GCN1: variants seen among roughly 807,000 people sequenced by gnomAD.
GCN1 encodes the protein GCN1 activator of EIF2AK4, also known as stalled ribosome sensor GCN1.
A neutral mutation model predicts 288.4 loss-of-function variants in GCN1; 90 were observed. That is an observed-to-expected ratio of 0.31 (90% CI 0.26 to 0.37). The LOEUF (loss-of-function observed/expected upper bound fraction) is 0.37. Among genes scored for constraint, GCN1 ranks in the 10% least tolerant of loss-of-function variants. The pLI is 1.00. For synonymous variants in GCN1, 1,386 were observed against 1,420.2 expected, an observed-to-expected ratio of 0.98 and a Z score of 0.54; for missense variants, 2,586 against 3,419.9, an observed-to-expected ratio of 0.76 and a Z score of 6.08.
chr12:120,144,614 C>G lies in GCN1; in HGVS notation c.5352+25G>C. The stretch of plus-strand genomic sequence containing the variant: ...CCTCCTGCCCTCCTCAAGGACTCTA[C>G]CCTTGCCAAGGTCATGGTACCTACT... On this transcript the variant is annotated intron_variant, in intron 41 of 57. Coordinates refer to ENST00000300648, the MANE Select transcript of GCN1 (RefSeq NM_006836.2). The surrounding 1 kb of genome is among the most constrained non-coding windows in gnomAD (Gnocchi z 4.7). 6.2e-7 allele frequency: 1 copy of G among 1,602,798 alleles called. No homozygotes were observed. Among genetic ancestry groups the G allele is most frequent in the South Asian group, 1.1e-5 (1 of 90,708 alleles).
intron 53 of GCN1, 27 bp from the exon 54 acceptor site, chr12:120,132,049 G>A: frequency 6.9e-7 from 1 of 1,453,418 alleles, no homozygotes; most frequent in South Asian, 1.2e-5. Flanking sequence ...GGGAGTGAGG[G>A]GGTGCAGGGA....
chr12:120,143,048 G>A (rs922507437), intron 42 of GCN1, 107 bp from the exon 43 acceptor site: 1 of 653,168 alleles, frequency 1.5e-6, no homozygotes, highest in Non-Finnish European at 2.8e-6. Context: ...TACTCATGAC[G>A]GTCATCTTGG....
chr12:120,181,802 G>C (rs1878672046), intron 5 of GCN1, among the ~76,000 whole-genome samples: 1 of 132,720 alleles, frequency 7.5e-6, no homozygotes, highest in Non-Finnish European at 1.5e-5. Context: ...TCGCGCCATT[G>C]CACTCCAGCC....
chr12:120,189,649 G>T (rs1031427190), intron 2 of GCN1, among the ~76,000 whole-genome samples: 2 of 152,074 alleles, frequency 1.3e-5, no homozygotes, highest in Non-Finnish European at 2.9e-5. Context: ...TTACAGGCGT[G>T]AGCCACCGTG....
In GCN1 at chr12:120,184,890, G is replaced by T; in HGVS notation, c.122-3C>A. The T allele has an allele frequency of 6.2e-7, 1 of 1,601,164 alleles. No homozygotes were observed. Among genetic ancestry groups the T allele is most frequent in the Non-Finnish European group, 8.6e-7 (1 of 1,168,730 alleles). On this transcript the variant is annotated splice_region_variant and splice_polypyrimidine_tract_variant and intron_variant, in intron 2 of 57. Coordinates refer to ENST00000300648, the MANE Select transcript of GCN1 (RefSeq NM_006836.2). ...CTTCACTGCTCCCTCTGGAAGATCT[G>T]AAACCAGAGATTACACAGACAGCGG... is the stretch of plus-strand genomic sequence containing the variant.
Position 120,161,578 on chromosome 12 carries a change from T to C in GCN1, c.2348A>G (p.Gln783Arg). ...LYDKSIIQSAQQDSIKKANMK... is the reference protein window; with the variant it reads ...LYDKSIIQSARQDSIKKANMK... ...GTTGGCCTTTTTTATGCTGTCCTGC[T>C]GGGCACTGAAACACCAGAGTGGGTC... Residue 783 changes from glutamine to arginine, a missense_variant, in exon 22 of 58, where the codon CAG (glutamine) becomes CGG (arginine). Physicochemically the swap from Gln to Arg is conservative, Grantham distance 43. This residue lies in a region of GCN1 where 913 missense variants were observed against 1,107.0 expected (regional missense o/e 0.82). Transcript: ENST00000300648. 6.2e-7 allele frequency: 1 copy of C among 1,612,536 alleles called. No individual in the cohort carries two copies. The highest frequency in any genetic ancestry group is 1.1e-5 in the South Asian group (1 of 91,054).
chr12:120,184,360 G>C (rs1386432126), intron 3 of GCN1, 117 bp from the exon 4 acceptor site: 1 of 822,084 alleles, frequency 1.2e-6, no homozygotes, highest in East Asian at 2.5e-5. Flanking sequence ...CCATATTCCA[G>C]TGGATAACAG....
intron 1 of GCN1, among the ~76,000 whole-genome samples, chr12:120,194,091 A>T (rs1435060400): frequency 1.3e-5 from 2 of 152,204 alleles, no homozygotes; most frequent in Non-Finnish European, 2.9e-5. Flanking sequence ...ACCAACATAT[A>T]TCAAGCCGTA....
chr12:120,131,476 T>TC (rs1213887036), intron 54 of GCN1, 143 bp from the exon 55 acceptor site: 1 of 735,614 alleles, frequency 1.4e-6, no homozygotes, highest in Non-Finnish European at 2.2e-6. Flanking sequence ...CACATGGACC[T>TC]CCCTGCTATC....
intron 2 of GCN1, among the ~76,000 whole-genome samples, chr12:120,188,440 GAAAAAAAAA>G (rs1229562559): frequency 8.6e-6 from 1 of 115,758 alleles, no homozygotes; most frequent in Non-Finnish European, 1.7e-5. Flanking sequence ...TCTCACCAAA[GAAAAAAAAA>G]AAAAAAAAAC....
intron 17 of GCN1, 21 bp from the exon 18 acceptor site, chr12:120,164,516 A>G: frequency 1.2e-6 from 2 of 1,611,342 alleles, no homozygotes; most frequent in African/African-American, 1.3e-5. Flanking sequence ...AGGGACAGAC[A>G]GGTCTGGGGG....
chr12:120,136,262 T>C (rs1462095804), intron 51 of GCN1, among the ~76,000 whole-genome samples: 2 of 152,140 alleles, frequency 1.3e-5, no homozygotes, highest in African/African-American at 4.8e-5. Context: ...TCTCACATTG[T>C]AGGTGAGGAA....
At chr12:120,163,043 T>G in intron 19 of GCN1, 27 bp downstream of exon 19, 1 of 1,613,206 alleles carries the variant, frequency 6.2e-7, no homozygotes, top group East Asian at 2.2e-5. Context: ...AGCTCTGGGC[T>G]CTCCCACACC....
chr12:120,154,795 G>C (rs534117004), intron 31 of GCN1, among the ~76,000 whole-genome samples, 175 bp downstream of exon 31: 2 of 152,292 alleles, frequency 1.3e-5, no homozygotes, highest in South Asian at 2.1e-4. Context: ...GAAAGATGGT[G>C]CCTCACACGG....
rs1489079948 is a variant in GCN1 at position 120,150,941 on chromosome 12, A to T, written c.4309+204T>A. ...GACAGAGCGAGACTCCGTCTCAAAAAAAAAAAACAGAAAAGAAAAAAAAAT... is the reference window on the plus strand; with the variant it reads ...GACAGAGCGAGACTCCGTCTCAAAATAAAAAAACAGAAAAGAAAAAAAAAT... On this transcript the variant is annotated intron_variant, in intron 34 of 57. Transcript: ENST00000300648. Among the ~76,000 whole-genome samples, 7 of 152,202 alleles carry T rather than the reference A, an allele frequency of 4.6e-5. No homozygotes were observed. In the East Asian group the frequency reaches 1.4e-3, roughly 29 times the overall value.
At chr12:120,130,595 T>G (rs878967002) in intron 56 of GCN1, 51 bp downstream of exon 56, 16 of 1,220,710 alleles carry the variant, frequency 1.3e-5, no homozygotes, top group Non-Finnish European at 1.9e-5. Flanking sequence ...TCCTAGGACC[T>G]CCTCACAAGC....
At chr12:120,167,156 A>C (rs577987561) in intron 16 of GCN1, among the ~76,000 whole-genome samples, 33 of 151,892 alleles carry the variant, frequency 2.2e-4, no homozygotes, top group Non-Finnish European at 4.0e-4. Context: ...CCTGACCAAC[A>C]TGGAGAAACC....
At chr12:120,168,376 G>C in intron 15 of GCN1, 76 bp from the exon 16 acceptor site, 1 of 885,380 alleles carries the variant, frequency 1.1e-6, no homozygotes, top group Non-Finnish European at 1.9e-6. Context: ...TCCTGAAGCT[G>C]CTGGGGTGGG....
rs891716538 is a variant in GCN1, at chr12:120,183,594, C to G, written c.401G>C (p.Arg134Pro). Residue 134 changes from arginine (R) to proline (P), a missense_variant, in exon 5 of 58, where the codon CGA (arginine) becomes CCA (proline). By Grantham distance (103) the Arg-to-Pro change is moderately radical (BLOSUM62 -2). Around this residue, in one of 8 missense-constraint regions of GCN1, gnomAD observed 913 missense variants for 1,107.0 expected, o/e 0.82. Coordinates refer to ENST00000300648, the MANE Select transcript of GCN1 (RefSeq NM_006836.2). The stretch of plus-strand genomic sequence containing the variant: ...CAGTTTGTTCCAGATGTCTCCTTGT[C>G]GCTTGGCTCTCGATGGAAAGACAAT... Reference protein sequence around the residue: ...VRIVFPSRAKRQGDIWNKLVE... With the variant: ...VRIVFPSRAKPQGDIWNKLVE... 6.2e-7 allele frequency: 1 copy of G among 1,612,050 alleles called. No homozygotes were observed. The highest frequency in any genetic ancestry group is 1.1e-5 in the South Asian group (1 of 91,028).
Sources: allele counts gnomAD v4.1 joint callset (sites outside exome capture counted in the v4.1 genomes callset), GRCh38; gene constraint gnomAD v4.1.1; regional missense constraint gnomAD v4.1.1; non-coding constraint Gnocchi (gnomAD v3.1); transcripts MANE v1.5; gene names NCBI Gene and HGNC (gene_info 2026-07-23, HGNC 2026-07-21).